The following PIGN variants were observed in gnomAD, a reference collection of about 807,000 sequenced individuals.
PIGN encodes the protein phosphatidylinositol glycan anchor biosynthesis class N, also known as GPI ethanolamine phosphate transferase 1.
Under a neutral mutation model 125.4 loss-of-function variants are expected in PIGN, and 117 were observed. The ratio of observed to expected loss-of-function variants is 0.93; its 90% CI spans 0.80 to 1.09. The LOEUF (loss-of-function observed/expected upper bound fraction) is 1.09. Among genes scored for constraint, PIGN ranks in the 50% least tolerant of loss-of-function variants. PIGN has a pLI of 0.00. For synonymous variants in PIGN, 392 were observed against 377.8 expected (o/e 1.04, Z -0.44); for missense variants, 1,075 against 1,094.9 (o/e 0.98, Z 0.26).
Position 62,102,886 on chromosome 18 carries a change from G to T in PIGN, c.1876C>A (p.Leu626Met). 6.3e-7 allele frequency: 1 copy of T among 1,578,256 alleles called. No individual in the cohort carries two copies. Among genetic ancestry groups the T allele is most frequent in the Non-Finnish European group, 8.6e-7 (1 of 1,160,276 alleles). The change falls in exon 21 of 31, where the codon CTG (leucine) becomes ATG (methionine). Residue 626 changes from leucine to methionine, a missense_variant. Physicochemically the swap from Leu to Met is conservative, Grantham distance 15 (BLOSUM62 2). Coordinates refer to ENST00000640252, the MANE Select transcript of PIGN (RefSeq NM_176787.5). Reference protein sequence around the residue: ...DISLVMGAGLLVLLLSLCVVT... With the variant: ...DISLVMGAGLMVLLLSLCVVT... ...ACACACAGGGATAACAGAAGAACCA[G>T]CAAGCCTGCACCCATCCTGTTTTGA...
chr18:62,101,288 AAATGTGTATCTTGG>A (rs1161257158), intron 21 of PIGN, 105 bp from the exon 22 acceptor site: 3 of 683,602 alleles, frequency 4.4e-6, no homozygotes, highest in Non-Finnish European at 7.7e-6. Flanking sequence ...AATGTGGAAA[AAATGTGTATCTTGG>A]AATCAATGAA....
At chr18:62,096,477 G>A (rs1311976744) in intron 22 of PIGN, among the ~76,000 whole-genome samples, 2 of 138,952 alleles carry the variant, frequency 1.4e-5, no homozygotes, top group Non-Finnish European at 3.0e-5. Flanking sequence ...ATTCAGCCCA[G>A]ATAACTATAA....
chr18:62,039,675 G>A, downstream of PIGN, among the ~76,000 whole-genome samples: 1 of 125,390 alleles, frequency 8.0e-6, no homozygotes, highest in Admixed American at 7.7e-5. Flanking sequence ...CCATGTTTAG[G>A]GCCCATCCAG....
intron 4 of PIGN, among the ~76,000 whole-genome samples, chr18:62,160,652 CATG>C (rs2036917411): frequency 6.6e-6 from 1 of 152,014 alleles, no homozygotes; most frequent in African/African-American, 2.4e-5. Context: ...GGATTACAGG[CATG>C]TGCCACCACC....
rs746882521 is a variant in PIGN, at chr18:62,143,337, A to C, written c.932T>G (p.Leu311Trp). Reference sequence around the variant, plus strand: ...GACATCTAGCCTCTTCCAATTCTCCAATCTCCACTCTGAAAGATACAATCA... The same window carrying C: ...GACATCTAGCCTCTTCCAATTCTCCCATCTCCACTCTGAAAGATACAATCA... ...FDDAFLKEWR[L>W]ENWKRLDVNQ... is the part of the protein sequence containing the mutation. Residue 311 changes from leucine (L) to tryptophan (W), a missense_variant, in exon 11 of 31, where the codon TTG becomes TGG. Transcript: ENST00000640252. 1.3e-4 allele frequency: 194 copies of C among 1,518,458 alleles called. No individual in the cohort carries two copies. The highest frequency in any genetic ancestry group is 1.7e-4 in the Non-Finnish European group (187 of 1,104,496). The allele number at this position is 1,518,458 out of a possible 1,614,324, so 94.1% of individuals were successfully genotyped here.
intron 23 of PIGN, among the ~76,000 whole-genome samples, chr18:62,035,529 A>G (rs1037435397): frequency 1.3e-5 from 2 of 152,098 alleles, no homozygotes; most frequent in African/African-American, 4.8e-5. Context: ...TTACTTTTTT[A>G]TCTTTTTTTT....
intron 14 of PIGN, among the ~76,000 whole-genome samples, chr18:62,132,679 T>TAA (rs201594780): frequency 6.6e-6 from 1 of 151,138 alleles, no homozygotes; most frequent in East Asian, 1.9e-4. Flanking sequence ...CCATCTCTAT[T>TAA]AAAAAAAAAT....
chr18:62,086,561 G>C (rs558878475), intron 25 of PIGN, among the ~76,000 whole-genome samples: 1 of 151,778 alleles, frequency 6.6e-6, no homozygotes, highest in East Asian at 1.9e-4. Flanking sequence ...AGGTTGCAGT[G>C]AGCCAAGATT....
chr18:62,155,934 A>G (rs1450804740), intron 6 of PIGN, among the ~76,000 whole-genome samples: 1 of 152,218 alleles, frequency 6.6e-6, no homozygotes, highest in East Asian at 1.9e-4. Flanking sequence ...ATAATGTTCT[A>G]TGACTATCAT....
chr18:62,054,811 G>C (rs1231046476), intron 30 of PIGN, among the ~76,000 whole-genome samples: 1 of 151,812 alleles, frequency 6.6e-6, no homozygotes, highest in African/African-American at 2.4e-5. Flanking sequence ...CTATTTCCTA[G>C]AATAAAATAT....
At chr18:62,085,293 A>C (rs745605620) in intron 25 of PIGN, 29 bp from the exon 26 acceptor site, 14 of 1,453,062 alleles carry the variant, frequency 9.6e-6, no homozygotes, top group Non-Finnish European at 1.3e-5. Flanking sequence ...ATGGCAAAAC[A>C]ACTCAGATTT....
chr18:62,106,228 G>T (rs1439776741), intron 19 of PIGN, among the ~76,000 whole-genome samples: 2 of 152,148 alleles, frequency 1.3e-5, no homozygotes, highest in African/African-American at 4.8e-5. Context: ...GTAGAAAGAA[G>T]ATATCTTCCT....
intron 30 of PIGN, among the ~76,000 whole-genome samples, chr18:62,055,339 T>TA (rs1452469715): frequency 2.0e-4 from 30 of 152,262 alleles, no homozygotes; most frequent in Middle Eastern, 6.8e-3. Flanking sequence ...ACTACTGAAA[T>TA]ACGCAACAAT....
intron 14 of PIGN, among the ~76,000 whole-genome samples, chr18:62,133,159 G>C (rs1186410836): frequency 6.6e-6 from 1 of 152,178 alleles, no homozygotes; most frequent in Non-Finnish European, 1.5e-5. Context: ...CTAATGTTAA[G>C]TGTTCTCAGC....
chr18:62,145,525 T>C (rs77118150), intron 10 of PIGN, among the ~76,000 whole-genome samples: 3,865 of 152,316 alleles, frequency 0.025, 88 homozygotes, highest in Middle Eastern at 0.058. Flanking sequence ...ACTGACAGCA[T>C]GTACTTTGTT....
At chr18:62,048,748 A>T (rs1162661789) in intron 30 of PIGN, among the ~76,000 whole-genome samples, 3 of 150,514 alleles carry the variant, frequency 2.0e-5, no homozygotes, top group Admixed American at 6.6e-5. Context: ...CATGTGCACA[A>T]TGTGCAGGTT....
At chr18:62,069,781 T>G (rs571948928) in intron 30 of PIGN, 11 of 152,312 alleles carry the variant, frequency 7.2e-5, no homozygotes, top group African/African-American at 2.4e-4. Context: ...GTGGTAATAG[T>G]TGCACAACCA....
chr18:62,136,206 T>C (rs1030054953), intron 14 of PIGN: 1 of 152,106 alleles, frequency 6.6e-6, no homozygotes, highest in Non-Finnish European at 1.5e-5. Context: ...ATCCTAATGA[T>C]ATATTTAGGG....
intron 7 of PIGN, chr18:62,153,670 A>G (rs1035199872): frequency 1.3e-5 from 2 of 152,200 alleles, no homozygotes; most frequent in African/African-American, 2.4e-5. Flanking sequence ...AAGTAAAAAG[A>G]AAATTTCAAG....
Sources: allele counts gnomAD v4.1 joint callset (sites outside exome capture counted in the v4.1 genomes callset), GRCh38; gene constraint gnomAD v4.1.1; transcripts MANE v1.5; gene names NCBI Gene and HGNC (gene_info 2026-07-23, HGNC 2026-07-21).